Variants in TCF4 observed in about 807,000 individuals in gnomAD.
TCF4 encodes the protein SL3-3 enhancer factor 2.
A neutral mutation model predicts 82.1 loss-of-function variants in TCF4; 3 were observed. The observed-to-expected ratio is 0.04, with a 90% confidence interval of 0.02 to 0.09. The LOEUF (loss-of-function observed/expected upper bound fraction) is 0.09, where lower values mean the gene tolerates loss of function less well. Among genes scored for constraint, TCF4 ranks in the 10% least tolerant of loss-of-function variants. The pLI is 1.00. For missense variants in TCF4, 518 were observed against 852.7 expected (o/e 0.61, Z 4.89); for synonymous variants, 276 against 309.6 (o/e 0.89, Z 1.14).
chr18:55,413,260 T>C (rs189661455), intron 5 of TCF4, among the ~76,000 whole-genome samples: 24 of 152,220 alleles, frequency 1.6e-4, no homozygotes, highest in Admixed American at 6.5e-5. Context: ...ATCTGTAATA[T>C]ATTAAATGAT....
At chr18:55,265,693 A>C (rs1184763321) in intron 11 of TCF4, 1 of 152,198 alleles carries the variant, frequency 6.6e-6, no homozygotes, top group Admixed American at 6.6e-5. Context: ...TACTCTAATA[A>C]TAAAATTACT....
chr18:55,510,671 A>C (rs2096817928), intron 3 of TCF4: 6 of 1,485,226 alleles, frequency 4.0e-6, no homozygotes, highest in Non-Finnish European at 5.4e-6. Flanking sequence ...GTAAACTTTT[A>C]AAGTTTGTGA....
chr18:55,252,673 A>G (rs2055587752), intron 15 of TCF4, among the ~76,000 whole-genome samples: 1 of 152,184 alleles, frequency 6.6e-6, no homozygotes, highest in South Asian at 2.1e-4. Flanking sequence ...TATGGAAAAA[A>G]TAGTCTCTGA....
At chr18:55,355,461 T>C (rs945824548) in intron 6 of TCF4, among the ~76,000 whole-genome samples, 4 of 152,162 alleles carry the variant, frequency 2.6e-5, no homozygotes, top group African/African-American at 9.7e-5. Context: ...AGAAGGGCCA[T>C]TGCTGACTTA....
chr18:55,603,358 C>T (rs1373838898), intron 2 of TCF4, among the ~76,000 whole-genome samples: 1 of 151,792 alleles, frequency 6.6e-6, no homozygotes, highest in African/African-American at 2.4e-5. Context: ...ACAGTTTATC[C>T]ATAACGATGA....
chr18:55,369,400 G>C (rs528815225), intron 6 of TCF4, among the ~76,000 whole-genome samples: 1 of 152,170 alleles, frequency 6.6e-6, no homozygotes, highest in Non-Finnish European at 1.5e-5. Flanking sequence ...TCAAGCAGAT[G>C]GTCAGAGAAA....
At chr18:55,259,850 T>TG (rs750738153) in intron 13 of TCF4, 99 bp downstream of exon 13, 30 of 1,007,886 alleles carry the variant, frequency 3.0e-5, no homozygotes, top group Non-Finnish European at 4.0e-5. Flanking sequence ...CTTTGGGATT[T>TG]GGGGGGAAGT....
In TCF4 at chr18:55,342,760, AAGC is replaced by A. The variant is rs2080274463; in HGVS notation, c.549+7596_549+7598del. On this transcript the variant is annotated intron_variant, in intron 8 of 19. Coordinates refer to ENST00000354452, the MANE Select transcript of TCF4 (RefSeq NM_001083962.2). ...TTGTACTTCAAGTTCGTTTCATAAA[AAGC>A]AAGCCAGAAAATATTATTGTACTGT... Among the ~76,000 whole-genome samples, 6 of 152,166 alleles carry A rather than the reference AAGC, an allele frequency of 3.9e-5. No individual in the cohort carries two copies. The South Asian group carries it at 1.2e-3, about 31-fold the overall frequency.
At chr18:55,351,928 T>A in intron 6 of TCF4, 1 of 828,806 alleles carries the variant, frequency 1.2e-6, no homozygotes, top group African/African-American at 1.8e-5. Context: ...TAAAGAAATT[T>A]TAAAATTAAG....
intron 6 of TCF4, among the ~76,000 whole-genome samples, chr18:55,398,336 A>G (rs925351334): frequency 3.3e-5 from 5 of 152,222 alleles, no homozygotes; most frequent in African/African-American, 7.2e-5. Context: ...AACTGTCACA[A>G]TTTAAAATAT....
chr18:55,424,836 C>T (rs950148840), intron 5 of TCF4, among the ~76,000 whole-genome samples: 5 of 152,164 alleles, frequency 3.3e-5, no homozygotes, highest in African/African-American at 1.2e-4. Context: ...AAAATGGATA[C>T]TTTCCCCAGC....
intron 5 of TCF4, among the ~76,000 whole-genome samples, chr18:55,416,143 G>T (rs551906499): frequency 2.6e-5 from 4 of 152,166 alleles, no homozygotes; most frequent in African/African-American, 9.6e-5. Context: ...CACACATATA[G>T]GTAGGGCACT....
At chr18:55,611,427 T>C (rs2147964028) in intron 2 of TCF4, among the ~76,000 whole-genome samples, 2 of 152,316 alleles carry the variant, frequency 1.3e-5, no homozygotes, top group East Asian at 3.9e-4. Flanking sequence ...GGCCAATTTT[T>C]CTTCAACTAT....
At chr18:55,481,801 A>G (rs1389676018) in intron 3 of TCF4, among the ~76,000 whole-genome samples, 5 of 152,182 alleles carry the variant, frequency 3.3e-5, no homozygotes, top group African/African-American at 1.2e-4. Context: ...ATCCCTTACA[A>G]TGTCTCAAGA....
At chr18:55,625,303 A>G (rs2097725463) in intron 2 of TCF4, among the ~76,000 whole-genome samples, 1 of 149,312 alleles carries the variant, frequency 6.7e-6, no homozygotes, top group African/African-American at 2.5e-5. Context: ...CAGTGGCCTG[A>G]TCTCGGCTCA....
intron 8 of TCF4, among the ~76,000 whole-genome samples, chr18:55,347,467 T>C (rs776132598): frequency 6.6e-5 from 10 of 152,168 alleles, no homozygotes; most frequent in Non-Finnish European, 1.0e-4. Context: ...CATCGTGTCA[T>C]ACTTCCACAG....
At chr18:55,406,634 A>G (rs1569406092) in intron 5 of TCF4, among the ~76,000 whole-genome samples, 1 of 152,194 alleles carries the variant, frequency 6.6e-6, no homozygotes, top group Non-Finnish European at 1.5e-5. Flanking sequence ...AAAAGCTCTT[A>G]AATATCTGTG....
chr18:55,575,836 C>T (rs2097523947), intron 3 of TCF4, among the ~76,000 whole-genome samples: 1 of 152,096 alleles, frequency 6.6e-6, no homozygotes, highest in South Asian at 2.1e-4. Context: ...GTATATCTGG[C>T]CACTTCACAA....
chr18:55,618,497 C>T (rs567050184), intron 2 of TCF4, among the ~76,000 whole-genome samples: 2 of 151,656 alleles, frequency 1.3e-5, no homozygotes, highest in South Asian at 4.1e-4. Flanking sequence ...TTTTGTTAGT[C>T]TATCTAAGGG....
Sources: gnomAD v4.1 joint callset for allele counts (sites outside exome capture counted in the v4.1 genomes callset) on GRCh38, gnomAD v4.1.1 for gene constraint, MANE v1.5 for transcripts, NCBI Gene and HGNC (gene_info 2026-07-23, HGNC 2026-07-21) for gene names.